PXDNL: variants seen among roughly 807,000 people sequenced by gnomAD.
PXDNL encodes probable oxidoreductase PXDNL.
Under a neutral mutation model 150.8 loss-of-function variants are expected in PXDNL, and 145 were observed. That is an observed-to-expected ratio of 0.96 (90% CI 0.84 to 1.10). The LOEUF (loss-of-function observed/expected upper bound fraction) is 1.10. Ranked by LOEUF, PXDNL falls within the 50% of genes least tolerant of loss-of-function variation. The pLI is 0.00. For synonymous variants in PXDNL, 757 were observed against 725.7 expected, an observed-to-expected ratio of 1.04 and a Z score of -0.69; for missense variants, 2,087 against 1,873.9, an observed-to-expected ratio of 1.11 and a Z score of -2.10.
chr8:51,570,328 A>G (rs1812907778), intron 3 of PXDNL, among the ~76,000 whole-genome samples: 1 of 151,852 alleles, frequency 6.6e-6, no homozygotes, highest in Non-Finnish European at 1.5e-5. Flanking sequence ...ATGCAGATGA[A>G]CTAGGCTCTT....
chr8:51,583,483 T>G lies in PXDNL; in HGVS notation c.308+9144A>C, dbSNP rs546678539. On this transcript the variant is annotated intron_variant, in intron 3 of 22. Transcript: ENST00000356297. ...TGCATTTCTGTGGTATTAGTTGTAA[T>G]GTCTCCTCTTCCCTCCTCAAAATTC... 4.6e-5 allele frequency among the ~76,000 whole-genome samples: 7 copies of G among 152,330 alleles called. No individual in the cohort carries two copies. The South Asian group carries it at 1.4e-3, about 32-fold the overall frequency.
intron 1 of PXDNL, among the ~76,000 whole-genome samples, chr8:51,668,711 T>C (rs1815439948): frequency 6.6e-6 from 1 of 152,202 alleles, no homozygotes; most frequent in African/African-American, 2.4e-5. Context: ...ATTATCAATA[T>C]TACTAAAAAT....
At chr8:51,320,616 A>G (rs189169191) in intron 22 of PXDNL, 168 bp downstream of exon 22, 525 of 576,896 alleles carry the variant, frequency 9.1e-4, no homozygotes, top group Non-Finnish European at 2.7e-4. Context: ...CTCTTTTATT[A>G]ATAAGCAAAA....
At chr8:51,472,678 GCTAT>G (rs1426771675) in intron 7 of PXDNL, among the ~76,000 whole-genome samples, 1 of 152,094 alleles carries the variant, frequency 6.6e-6, no homozygotes, top group African/African-American at 2.4e-5. Context: ...TAGACAATTA[GCTAT>G]CTAAGCACCC....
intron 1 of PXDNL, among the ~76,000 whole-genome samples, chr8:51,718,382 C>CTT (rs1033511194): frequency 6.2e-4 from 95 of 152,192 alleles, no homozygotes; most frequent in African/African-American, 2.3e-3. Context: ...GCGCCAATGT[C>CTT]TTTGGCTGTA....
At chr8:51,376,863 C>G (rs1302217995) in intron 17 of PXDNL, among the ~76,000 whole-genome samples, 8 of 151,542 alleles carry the variant, frequency 5.3e-5, no homozygotes, top group Non-Finnish European at 1.0e-4. Flanking sequence ...GGACTACAGG[C>G]GCCCGCCACA....
At chr8:51,752,662 G>A (rs1343874218) in intron 1 of PXDNL, among the ~76,000 whole-genome samples, 1 of 51,338 alleles carries the variant, frequency 1.9e-5, no homozygotes, top group Admixed American at 2.4e-4. Flanking sequence ...ACAGTAAGGT[G>A]TACTGTCCTC....
At chr8:51,672,710 C>A (rs1815526516) in intron 1 of PXDNL, among the ~76,000 whole-genome samples, 2 of 152,058 alleles carry the variant, frequency 1.3e-5, no homozygotes, top group Non-Finnish European at 2.9e-5. Flanking sequence ...AACTGTGGGA[C>A]TTAATTTATA....
Position 51,779,942 on chromosome 8 carries a change from T to C in PXDNL, c.164+29239A>G, listed in dbSNP as rs2037394281. Among the ~76,000 whole-genome samples the C allele has an allele frequency of 2.6e-5, 4 of 152,060 alleles. No individual in the cohort carries two copies. In the South Asian group the frequency reaches 8.3e-4, roughly 32 times the overall value. Reference sequence around the variant, plus strand: ...AACGCAGAGCCTCAGCCTGGTGTGGTGGCTCATGCCTGTAATCCCAGCACT... The same window carrying C: ...AACGCAGAGCCTCAGCCTGGTGTGGCGGCTCATGCCTGTAATCCCAGCACT... On this transcript the variant is annotated intron_variant, in intron 1 of 22. Coordinates refer to ENST00000356297, the MANE Select transcript of PXDNL (RefSeq NM_144651.5).
intron 3 of PXDNL, among the ~76,000 whole-genome samples, chr8:51,562,746 G>T (rs769719034): frequency 4.7e-4 from 71 of 151,994 alleles, no homozygotes; most frequent in Non-Finnish European, 9.4e-4. Context: ...TCTGGAAGAT[G>T]ACAGACATCA....
chr8:51,570,295 G>C (rs892962025), intron 3 of PXDNL, among the ~76,000 whole-genome samples: 9 of 152,010 alleles, frequency 5.9e-5, no homozygotes, highest in Non-Finnish European at 1.3e-4. Flanking sequence ...TTAAAGCTGG[G>C]AGAGGCCCAC....
At chr8:51,706,323 CA>C (rs10714824) in intron 1 of PXDNL, among the ~76,000 whole-genome samples, 9,449 of 141,678 alleles carry the variant, frequency 0.067, 392 homozygotes, top group African/African-American at 0.12. Context: ...AACTCCGTCT[CA>C]AAAAAAAAAA....
intron 4 of PXDNL, among the ~76,000 whole-genome samples, chr8:51,505,277 CAG>C (rs1355333849): frequency 6.6e-6 from 1 of 152,090 alleles, no homozygotes; most frequent in African/African-American, 2.4e-5. Context: ...AACATGTGGT[CAG>C]AGAATGACAA....
chr8:51,361,539 A>G (rs1348594933), intron 19 of PXDNL, among the ~76,000 whole-genome samples: 3 of 152,240 alleles, frequency 2.0e-5, no homozygotes, highest in Non-Finnish European at 2.9e-5. Context: ...CTACATTTGC[A>G]TGTATAAATA....
chr8:51,625,645 G>T (rs1814347406), intron 2 of PXDNL, among the ~76,000 whole-genome samples: 1 of 152,192 alleles, frequency 6.6e-6, no homozygotes, highest in Admixed American at 6.5e-5. Context: ...GAACATGATA[G>T]CACATGACTG....
intron 3 of PXDNL, among the ~76,000 whole-genome samples, chr8:51,574,255 T>G (rs1294857893): frequency 1.3e-5 from 2 of 151,278 alleles, no homozygotes; most frequent in African/African-American, 4.9e-5. Flanking sequence ...AACTGAAAAA[T>G]ACTTATCTAC....
chr8:51,452,051 A>G (rs1308101333), intron 10 of PXDNL, among the ~76,000 whole-genome samples: 1 of 152,228 alleles, frequency 6.6e-6, no homozygotes, highest in Non-Finnish European at 1.5e-5. Context: ...CTGTTAAGCA[A>G]TGACTGACGC....
At chr8:51,670,054 T>C (rs535055690) in intron 1 of PXDNL, among the ~76,000 whole-genome samples, 43 of 152,224 alleles carry the variant, frequency 2.8e-4, no homozygotes, top group South Asian at 4.1e-4. Flanking sequence ...CTGGCCAACA[T>C]GGTGAAACCC....
intron 12 of PXDNL, among the ~76,000 whole-genome samples, chr8:51,430,774 A>G (rs1406287836): frequency 1.3e-5 from 2 of 152,096 alleles, no homozygotes; most frequent in South Asian, 2.1e-4. Context: ...CCTTTACCCC[A>G]TTATTATTTC....
Sources: gnomAD v4.1 joint callset for allele counts (sites outside exome capture counted in the v4.1 genomes callset) on GRCh38, gnomAD v4.1.1 for gene constraint, MANE v1.5 for transcripts, NCBI Gene and HGNC (gene_info 2026-07-23, HGNC 2026-07-21) for gene names.